LPA: variants seen among roughly 807,000 people sequenced by gnomAD.
LPA encodes the protein apolipoprotein(a).
Under a neutral mutation model 197.9 loss-of-function variants are expected in LPA, and 199 were observed. That is an observed-to-expected ratio of 1.01 (90% CI 0.90 to 1.13). The LOEUF is 1.13. LPA is among the 50% of genes most tolerant of loss of function. The pLI is 0.00. For synonymous variants in LPA, 715 were observed against 639.5 expected, an observed-to-expected ratio of 1.12 and a Z score of -1.78; for missense variants, 1,853 against 1,785.8, an observed-to-expected ratio of 1.04 and a Z score of -0.68.
intron 28 of LPA, among the ~76,000 whole-genome samples, chr6:160,561,458 T>G (rs1778360576): frequency 6.6e-6 from 1 of 152,216 alleles, no homozygotes; most frequent in South Asian, 2.1e-4. Context: ...CATACCATGC[T>G]GTTTTTGTTA....
intron 26 of LPA, among the ~76,000 whole-genome samples, chr6:160,584,483 C>G (rs1251897944): frequency 2.0e-5 from 3 of 151,750 alleles, no homozygotes; most frequent in South Asian, 2.1e-4. Flanking sequence ...AGGTACCCAC[C>G]ACCATGACCG....
intron 33 of LPA, among the ~76,000 whole-genome samples, chr6:160,544,164 C>G (rs1479708398): frequency 1.3e-5 from 2 of 152,106 alleles, no homozygotes; most frequent in African/African-American, 4.8e-5. Context: ...CCAGGCACTA[C>G]TGTGGGTGTT....
intron 28 of LPA, among the ~76,000 whole-genome samples, chr6:160,567,584 A>T (rs1562324421): frequency 6.6e-6 from 1 of 152,224 alleles, no homozygotes; most frequent in Non-Finnish European, 1.5e-5. Flanking sequence ...CATTAAAAGA[A>T]CTAGAGAAGC....
intron 2 of LPA, among the ~76,000 whole-genome samples, chr6:160,646,989 G>T (rs1329241153): frequency 6.6e-6 from 1 of 152,156 alleles, no homozygotes; most frequent in Non-Finnish European, 1.5e-5. Context: ...TAGTATTACT[G>T]TCTGTCATTC....
chr6:160,590,822 G>A, intron 23 of LPA, 122 bp downstream of exon 23: 1 of 1,368,354 alleles, frequency 7.3e-7, no homozygotes, highest in Non-Finnish European at 1.0e-6. Flanking sequence ...CTTCCCATTG[G>A]CTGACCCTGA....
chr6:160,583,197 T>C (rs939307181), intron 26 of LPA, among the ~76,000 whole-genome samples: 1 of 151,510 alleles, frequency 6.6e-6, no homozygotes, highest in African/African-American at 2.4e-5. Flanking sequence ...CTGATTTTTC[T>C]CCTGGTTATG....
At chr6:160,553,566 G>A (rs776863477) in intron 30 of LPA, among the ~76,000 whole-genome samples, 4 of 151,928 alleles carry the variant, frequency 2.6e-5, no homozygotes, top group African/African-American at 4.8e-5. Context: ...AGAAGGCATC[G>A]GTCACTTTCA....
intron 30 of LPA, among the ~76,000 whole-genome samples, chr6:160,553,757 G>A (rs539576877): frequency 3.9e-5 from 6 of 152,190 alleles, no homozygotes; most frequent in Admixed American, 6.5e-5. Flanking sequence ...TTCTTCATAC[G>A]TGTAAAGTCT....
chr6:160,547,938 C>T lies in LPA; in HGVS notation c.5156-1G>A, dbSNP rs1265685565. On this transcript the variant is annotated splice_acceptor_variant, in intron 31 of 38. Coordinates refer to ENST00000316300, the MANE Select transcript of LPA (RefSeq NM_005577.4). LOFTEE classifies it high-confidence loss of function. ...CCTTTCCCATTCCCAAACATACAGT[C>T]TGTAGAAAAAAATAAAAATAAAACA... 2 of 1,613,846 alleles carry T rather than the reference C, an allele frequency of 1.2e-6. No individual in the cohort carries two copies. Among genetic ancestry groups the T allele is most frequent in the Non-Finnish European group, 8.5e-7 (1 of 1,179,962 alleles).
chr6:160,600,233 A>G (rs1359731929), intron 19 of LPA, among the ~76,000 whole-genome samples: 4 of 152,164 alleles, frequency 2.6e-5, no homozygotes, highest in African/African-American at 9.7e-5. Flanking sequence ...CTACAATAAG[A>G]TAGGGAATCC....
chr6:160,569,993 T>C (rs140863899), intron 28 of LPA, among the ~76,000 whole-genome samples: 8 of 152,208 alleles, frequency 5.3e-5, no homozygotes, highest in Admixed American at 5.2e-4. Context: ...CAACAGATGC[T>C]AGAGAGGATG....
chr6:160,576,398 A>ATATACATATATATATATATATATGTG (rs1778676097), intron 28 of LPA, among the ~76,000 whole-genome samples: 1 of 54,992 alleles, frequency 1.8e-5, no homozygotes, highest in East Asian at 6.2e-4. Flanking sequence ...ATGTATATAT[A>ATATACATATATATATATATATATGTG]TATATATATA....
chr6:160,569,622 A>T lies in LPA; in HGVS notation c.4631+7514T>A, dbSNP rs183634612. On this transcript the variant is annotated intron_variant, in intron 28 of 38. Transcript: ENST00000316300. The stretch of plus-strand genomic sequence containing the variant: ...AAAAGCAATAGCAACAAAAGCCAAA[A>T]TTGACCAATGGGATCTAATTAAACT... Among the ~76,000 whole-genome samples, 5 of 152,318 alleles carry T rather than the reference A, an allele frequency of 3.3e-5. No homozygotes were observed. In the East Asian group the frequency reaches 9.6e-4, roughly 29 times the overall value.
At chr6:160,576,690 GTATATATATA>G (rs71033585) in intron 28 of LPA, among the ~76,000 whole-genome samples, 14 of 76,680 alleles carry the variant, frequency 1.8e-4, no homozygotes, top group African/African-American at 7.2e-4. Flanking sequence ...GTGTGTGTGT[GTATATATATA>G]TATATATATA....
rs1777998027 is a variant in LPA, at chr6:160,542,595, T to C, written c.5519+93A>G. 1.9e-6 allele frequency: 3 copies of C among 1,573,938 alleles called. No individual in the cohort carries two copies. In the Admixed American group the frequency reaches 5.2e-5, roughly 27 times the overall value. Reference sequence around the variant, plus strand: ...CAGAAAACAGAGAGGCAGGTATTGATGCATCAGCTGTGTGGGTTCTGTGTA... The same window carrying C: ...CAGAAAACAGAGAGGCAGGTATTGACGCATCAGCTGTGTGGGTTCTGTGTA... On this transcript the variant is annotated intron_variant, in intron 34 of 38. Coordinates refer to ENST00000316300, the MANE Select transcript of LPA (RefSeq NM_005577.4).
chr6:160,541,175 TCCAA>T lies in LPA; in HGVS notation c.5522_5525del (p.Phe1841Ter). The T allele has an allele frequency of 1.2e-6, 2 of 1,613,238 alleles. No individual in the cohort carries two copies. Among genetic ancestry groups the T allele is most frequent in the Non-Finnish European group, 1.7e-6 (2 of 1,179,120 alleles). On this transcript the variant is annotated frameshift_variant and splice_region_variant, in exon 35 of 39. Transcript: ENST00000316300. LOFTEE classifies it high-confidence loss of function. Reference sequence around the variant, plus strand: ...TTAAGGTGCCTCCACAGAAGTGCTTTCCAAACCTAGAAAGAAAACATGCCAAGGC... The same window carrying T: ...TTAAGGTGCCTCCACAGAAGTGCTTTACCTAGAAAGAAAACATGCCAAGGC...
At chr6:160,546,944 A>T (rs1778081179) in intron 32 of LPA, among the ~76,000 whole-genome samples, 1 of 152,046 alleles carries the variant, frequency 6.6e-6, no homozygotes, top group Non-Finnish European at 1.5e-5. Flanking sequence ...TTTCTAGAAA[A>T]ATCTGACTTA....
At position 160,537,832 on chromosome 6, in the gene LPA, G is replaced by A. The variant is rs148143880; in HGVS notation, c.5842+23C>T. 8.5e-4 allele frequency: 1,359 copies of A among 1,599,608 alleles called. 5 individuals carry two copies. In the African/African-American group the frequency reaches 0.015, roughly 17 times the overall value. On this transcript the variant is annotated intron_variant, in intron 37 of 38. Transcript: ENST00000316300. ...CTGAAGGTCAAAAACAATTTGTTAC[G>A]TGGGCAATGGAATTGATCTCACCTT... is the stretch of plus-strand genomic sequence containing the variant.
chr6:160,582,407 T>A (rs1778818673), intron 26 of LPA, among the ~76,000 whole-genome samples: 1 of 152,062 alleles, frequency 6.6e-6, no homozygotes, highest in South Asian at 2.1e-4. Flanking sequence ...TTCCATTGTT[T>A]CTGATTTGAT....
Sources: allele counts gnomAD v4.1 joint callset (sites outside exome capture counted in the v4.1 genomes callset), GRCh38; gene constraint gnomAD v4.1.1; transcripts MANE v1.5; gene names NCBI Gene and HGNC (gene_info 2026-07-23, HGNC 2026-07-21).